Variants in LIMA1 observed in about 807,000 individuals in gnomAD.
The protein encoded by LIMA1 is LIM domain and actin binding 1, also known as LIM domain and actin-binding protein 1.
In LIMA1, 52 loss-of-function variants were observed where a neutral mutation model predicts 62.6. The observed-to-expected ratio is 0.83, with a 90% CI of 0.67 to 1.05. The LOEUF (loss-of-function observed/expected upper bound fraction) is 1.05. Ranked by LOEUF, LIMA1 falls within the 50% of genes least tolerant of loss-of-function variation. The pLI, the probability that LIMA1 is intolerant of heterozygous loss-of-function variation, is 0.00. For synonymous variants in LIMA1, 302 were observed against 317.8 expected, an observed-to-expected ratio of 0.95 and a Z score of 0.53; for missense variants, 780 against 902.2, an observed-to-expected ratio of 0.86 and a Z score of 1.74.
intron 9 of LIMA1, chr12:50,189,679 A>T (rs1199533361): frequency 1.3e-5 from 2 of 152,214 alleles, no homozygotes; most frequent in Non-Finnish European, 2.9e-5. Context: ...ATTTGCCCAT[A>T]GAAGAGGAAA....
intron 1 of LIMA1, among the ~76,000 whole-genome samples, chr12:50,278,847 A>G (rs1942304685): frequency 6.6e-6 from 1 of 152,196 alleles, no homozygotes; most frequent in African/African-American, 2.4e-5. Flanking sequence ...TATGAGTTCA[A>G]TTACCTTTGT....
At chr12:50,194,988 C>T (rs1940897497) in intron 8 of LIMA1, among the ~76,000 whole-genome samples, 1 of 152,002 alleles carries the variant, frequency 6.6e-6, no homozygotes, top group South Asian at 2.1e-4. Flanking sequence ...GGGGAGGTTA[C>T]AGTGAGCCGA....
At chr12:50,244,912 C>T (rs949437336) in intron 2 of LIMA1, among the ~76,000 whole-genome samples, 1 of 152,138 alleles carries the variant, frequency 6.6e-6, no homozygotes, top group Non-Finnish European at 1.5e-5. Context: ...AGGAAGGGGA[C>T]TGACATCCAG....
chr12:50,193,559 T>TATAC (rs1940840087), intron 8 of LIMA1, among the ~76,000 whole-genome samples: 3 of 128,478 alleles, frequency 2.3e-5, no homozygotes, highest in African/African-American at 9.8e-5. Context: ...ATATATCATA[T>TATAC]ATGTATATAT....
chr12:50,276,000 G>A (rs115015276), intron 1 of LIMA1, among the ~76,000 whole-genome samples: 1 of 152,076 alleles, frequency 6.6e-6, no homozygotes, highest in Non-Finnish European at 1.5e-5. Context: ...TGGGACCTGA[G>A]ACTCTACCTT....
At chr12:50,189,721 A>G (rs1163068676) in intron 9 of LIMA1, 2 of 152,184 alleles carry the variant, frequency 1.3e-5, no homozygotes, top group Non-Finnish European at 2.9e-5. Context: ...TAATAAAAGC[A>G]GATTATAGAT....
chr12:50,182,051 A>G lies in LIMA1; in HGVS notation c.1141-14T>C. ...TGCCTGAAACTTCTAGGAAAAACAA[A>G]AAGACAACTTTAGCATGGGCAGCGA... On this transcript the variant is annotated splice_polypyrimidine_tract_variant and intron_variant, in intron 9 of 10. Coordinates refer to ENST00000341247, the MANE Select transcript of LIMA1 (RefSeq NM_016357.5). 6.2e-7 allele frequency: 1 copy of G among 1,612,258 alleles called. No individual in the cohort carries two copies. The highest frequency in any genetic ancestry group is 8.5e-7 in the Non-Finnish European group (1 of 1,179,922).
chr12:50,204,633 G>A lies in LIMA1; in HGVS notation c.783C>T (p.Arg261=), dbSNP rs1941117958. The A allele has an allele frequency of 6.2e-7, 1 of 1,614,072 alleles. No individual in the cohort carries two copies. The highest frequency in any genetic ancestry group is 8.5e-7 in the Non-Finnish European group (1 of 1,180,016). The change falls in exon 6 of 11, where the codon CGC becomes CGT. Residue 261 remains arginine (R), a synonymous_variant. Transcript: ENST00000341247. ...NESRRNLELP[R]LSETSIKDRM... ...GATCCTTTATAGAGGTTTCTGAGAG[G>A]CGTGGAAGTTCCAGATTTCGTCTAC...
At chr12:50,257,254 A>AT (rs1942008265) in intron 1 of LIMA1, among the ~76,000 whole-genome samples, 1 of 152,152 alleles carries the variant, frequency 6.6e-6, no homozygotes, top group Non-Finnish European at 1.5e-5. Context: ...TACTTAGAAG[A>AT]TTTTACATTA....
At chr12:50,201,387 T>C (rs1286752048) in intron 6 of LIMA1, 45 of 982,830 alleles carry the variant, frequency 4.6e-5, no homozygotes, top group Non-Finnish European at 5.4e-5. Flanking sequence ...AATGATACCA[T>C]AAAGAAACCT....
intron 1 of LIMA1, among the ~76,000 whole-genome samples, chr12:50,262,205 C>G (rs780296421): frequency 3.9e-5 from 6 of 151,998 alleles, no homozygotes; most frequent in Non-Finnish European, 7.4e-5. Flanking sequence ...TACTATTTGG[C>G]TCTACAGGTA....
At chr12:50,255,047 C>CAA (rs35730958) in intron 1 of LIMA1, among the ~76,000 whole-genome samples, 76 of 149,346 alleles carry the variant, frequency 5.1e-4, no homozygotes, top group African/African-American at 1.1e-3. Context: ...AAAAACAAAA[C>CAA]AAAAAAAAAC....
chr12:50,271,313 A>G (rs989624788), intron 1 of LIMA1, among the ~76,000 whole-genome samples: 1 of 152,178 alleles, frequency 6.6e-6, no homozygotes, highest in Non-Finnish European at 1.5e-5. Context: ...TTTGTAGGTC[A>G]TGAAGAACCA....
intron 1 of LIMA1, among the ~76,000 whole-genome samples, chr12:50,264,540 T>A (rs754778423): frequency 5.9e-5 from 9 of 152,230 alleles, no homozygotes; most frequent in Non-Finnish European, 1.2e-4. Flanking sequence ...AAATAGCAGC[T>A]GGTTCCAATT....
chr12:50,281,945 C>A (rs1264149964), intron 1 of LIMA1, among the ~76,000 whole-genome samples: 1 of 152,116 alleles, frequency 6.6e-6, no homozygotes, highest in Non-Finnish European at 1.5e-5. Context: ...ATTTTAAGTT[C>A]TTTTAGGGTA....
At chr12:50,240,529 T>C (rs942336251) in intron 2 of LIMA1, among the ~76,000 whole-genome samples, 1 of 151,926 alleles carries the variant, frequency 6.6e-6, no homozygotes, top group Non-Finnish European at 1.5e-5. Context: ...AAAGAATCAG[T>C]AGGGTAGTAA....
chr12:50,249,717 A>T (rs1048459494), intron 1 of LIMA1: 1 of 152,230 alleles, frequency 6.6e-6, no homozygotes, highest in Non-Finnish European at 1.5e-5. Context: ...GAAATGAGTC[A>T]ACAGTTTCCT....
At position 50,263,847 on chromosome 12, in the gene LIMA1, T is replaced by TAGAG. The variant is rs1298260804; in HGVS notation, c.-23-15074_-23-15073insCTCT. Among the ~76,000 whole-genome samples the TAGAG allele has an allele frequency of 4.5e-3, 456 of 101,682 alleles. 3 individuals are homozygous for TAGAG. Among genetic ancestry groups the TAGAG allele is most frequent in the African/African-American group, 0.018 (430 of 23,590 alleles). 66.7% of individuals were successfully genotyped at this position (101,682 alleles called of 152,430 possible). On this transcript the variant is annotated intron_variant, in intron 1 of 10. Transcript: ENST00000341247. ...TATATAGAGAGAGTATATATATATA[T>TAGAG]ATATAGAGAGTATATATATATATAT...
chr12:50,177,423 C>A lies in LIMA1; in HGVS notation c.1921G>T (p.Ala641Ser). The A allele has an allele frequency of 6.2e-7, 1 of 1,614,168 alleles. No individual in the cohort carries two copies. Among genetic ancestry groups the A allele is most frequent in the African/African-American group, 1.3e-5 (1 of 75,044 alleles). ...CCCACATTCCCATTCTTCTTAGAAGCCTTGGCATTTTCCACTTGTTTCCTT... is the reference window on the plus strand; with the variant it reads ...CCCACATTCCCATTCTTCTTAGAAGACTTGGCATTTTCCACTTGTTTCCTT... Reference protein sequence around the residue: ...AERKQVENAKASKKNGNVGKT... With the variant: ...AERKQVENAKSSKKNGNVGKT... Residue 641 changes from alanine (A) to serine (S), a missense_variant, in exon 11 of 11, where the codon GCT (alanine) becomes TCT (serine). Coordinates refer to ENST00000341247, the MANE Select transcript of LIMA1 (RefSeq NM_016357.5).
Sources: allele counts gnomAD v4.1 joint callset (sites outside exome capture counted in the v4.1 genomes callset), GRCh38; gene constraint gnomAD v4.1.1; transcripts MANE v1.5; gene names NCBI Gene and HGNC (gene_info 2026-07-23, HGNC 2026-07-21).